PRRX1: variants seen among roughly 807,000 people sequenced by gnomAD.
The protein encoded by PRRX1 is paired mesoderm homeobox protein 1.
In PRRX1, 8 loss-of-function variants were observed where a neutral mutation model predicts 24.0. That is an observed-to-expected ratio of 0.33 (90% CI 0.20 to 0.60). The LOEUF (loss-of-function observed/expected upper bound fraction) is 0.60, where lower values mean the gene tolerates loss of function less well. Ranked by LOEUF, PRRX1 falls within the 20% of genes least tolerant of loss-of-function variation. The pLI is 0.82. For missense variants in PRRX1, 281 were observed against 322.4 expected (o/e 0.87, Z 0.98); for synonymous variants, 160 against 131.7 (o/e 1.22, Z -1.47).
In PRRX1 at chr1:170,669,384, A is replaced by G. The variant is rs78894138; in HGVS notation, c.241+4925A>G. 6.2e-3 allele frequency: 872 copies of G among 140,712 alleles called. 12 individuals carry two copies. The highest frequency in any genetic ancestry group is 0.022 in the African/African-American group (822 of 37,006). The allele number at this position is 140,712 out of a possible 1,614,324, so 8.7% of individuals were successfully genotyped here. A position where few individuals can be genotyped will look rare whatever the true frequency, so the allele number is the denominator to read the frequency against. ...ATTTTACAACACGAGCGAATAAATC[A>G]TCTCCAAACCAACAAGATGTCACCT... On this transcript the variant is annotated intron_variant, in intron 1 of 3. Transcript: ENST00000239461.
intron 1 of PRRX1, among the ~76,000 whole-genome samples, chr1:170,711,525 A>C (rs1654752229): frequency 6.6e-6 from 1 of 152,194 alleles, no homozygotes; most frequent in African/African-American, 2.4e-5. Flanking sequence ...GTCTGCTTCC[A>C]GTCTTGGTTT....
chr1:170,702,906 G>A (rs1477432229), intron 1 of PRRX1, among the ~76,000 whole-genome samples: 1 of 152,148 alleles, frequency 6.6e-6, no homozygotes, highest in Non-Finnish European at 1.5e-5. Context: ...CATTGGCTTC[G>A]TGCATAATTA....
chr1:170,731,369 G>A (rs1655431996), intron 3 of PRRX1, among the ~76,000 whole-genome samples: 1 of 152,148 alleles, frequency 6.6e-6, no homozygotes, highest in Non-Finnish European at 1.5e-5. Context: ...AGACTTCTCG[G>A]CTGACAGATT....
At chr1:170,733,551 G>A (rs952979328) in intron 3 of PRRX1, among the ~76,000 whole-genome samples, 4 of 152,066 alleles carry the variant, frequency 2.6e-5, no homozygotes, top group African/African-American at 9.7e-5. Context: ...GTTTTCAGAA[G>A]CCATTCAAAT....
intron 1 of PRRX1, among the ~76,000 whole-genome samples, chr1:170,674,451 C>G (rs1464990529): frequency 1.3e-5 from 2 of 152,200 alleles, no homozygotes; most frequent in African/African-American, 4.8e-5. Flanking sequence ...CCCATCACAC[C>G]TCCTTGCGAA....
intron 1 of PRRX1, among the ~76,000 whole-genome samples, chr1:170,675,727 G>T (rs1653300773): frequency 6.6e-6 from 1 of 152,096 alleles, no homozygotes. Flanking sequence ...TGAAGTCTAT[G>T]TAAAAATTTT....
At chr1:170,689,839 C>CCTCTCTCT (rs71559512) in intron 1 of PRRX1, among the ~76,000 whole-genome samples, 1,330 of 91,586 alleles carry the variant, frequency 0.015, 14 homozygotes, top group Non-Finnish European at 0.023. Context: ...TCTCTCTCTC[C>CCTCTCTCT]CTCTCTCTCT....
In PRRX1 at chr1:170,719,071, T is replaced by C. The variant is rs1159151640; in HGVS notation, c.242-655T>C. Among the ~76,000 whole-genome samples the C allele has an allele frequency of 2.0e-5, 3 of 152,166 alleles. No individual in the cohort carries two copies. The East Asian group carries it at 5.8e-4, about 29-fold the overall frequency. On this transcript the variant is annotated intron_variant, in intron 1 of 3. Transcript: ENST00000239461. ...TCAGGGAGTGAGCCCCAGGCTAATG[T>C]TAGCTTGGGTTGATGGCATTGTAGC...
At chr1:170,695,789 C>T (rs529690082) in intron 1 of PRRX1, among the ~76,000 whole-genome samples, 8 of 152,096 alleles carry the variant, frequency 5.3e-5, no homozygotes, top group African/African-American at 1.2e-4. Context: ...CTTCAAATAT[C>T]GTGATCCCCA....
At chr1:170,672,402 G>C (rs1446171035) in intron 1 of PRRX1, among the ~76,000 whole-genome samples, 1 of 152,182 alleles carries the variant, frequency 6.6e-6, no homozygotes, top group Non-Finnish European at 1.5e-5. Flanking sequence ...ACTAGAAACA[G>C]GAGCACAAGG....
chr1:170,691,436 CTTCCA>C (rs1445064333), intron 1 of PRRX1, among the ~76,000 whole-genome samples: 1 of 144,888 alleles, frequency 6.9e-6, no homozygotes, highest in African/African-American at 2.6e-5. Context: ...CTTCCCTTTC[CTTCCA>C]TTTCCTTTCC....
chr1:170,664,805 GA>G (rs775980706), intron 1 of PRRX1, among the ~76,000 whole-genome samples: 5 of 152,224 alleles, frequency 3.3e-5, no homozygotes, highest in Non-Finnish European at 7.3e-5. Flanking sequence ...GCTGGGCTGG[GA>G]AAAGGTCTTA....
Position 170,736,837 on chromosome 1 carries a change from G to T in PRRX1, c.*651G>T. On this transcript the variant is annotated 3_prime_UTR_variant, in exon 4 of 4. Transcript: ENST00000239461. ...TGTCTGATCCAATGTAATTGGCTGCGTCTGGCTAATTCTAAGCACTAAAGT... is the reference window on the plus strand; with the variant it reads ...TGTCTGATCCAATGTAATTGGCTGCTTCTGGCTAATTCTAAGCACTAAAGT... 1 of 193,828 alleles carries T rather than the reference G, an allele frequency of 5.2e-6. No homozygotes were observed. Among genetic ancestry groups the T allele is most frequent in the Non-Finnish European group, 1.1e-5 (1 of 92,822 alleles). 12.0% of individuals were successfully genotyped at this position (193,828 alleles called of 1,614,324 possible).
intron 1 of PRRX1, among the ~76,000 whole-genome samples, chr1:170,671,387 T>C (rs975637959): frequency 1.3e-5 from 2 of 152,248 alleles, no homozygotes; most frequent in Non-Finnish European, 2.9e-5. Flanking sequence ...GTGTGGTCTC[T>C]GCCTCGGCAA....
At chr1:170,712,539 C>T (rs1017560978) in intron 1 of PRRX1, among the ~76,000 whole-genome samples, 1 of 152,170 alleles carries the variant, frequency 6.6e-6, no homozygotes, top group African/African-American at 2.4e-5. Context: ...AGTAAAGGTA[C>T]AGCAGCAATG....
intron 1 of PRRX1, among the ~76,000 whole-genome samples, chr1:170,702,657 T>A (rs183982269): frequency 1.6e-4 from 24 of 152,334 alleles, no homozygotes; most frequent in African/African-American, 5.8e-4. Context: ...TCACATGTTT[T>A]CCATTCTTCT....
intron 1 of PRRX1, among the ~76,000 whole-genome samples, chr1:170,665,324 G>A (rs371362608): frequency 1.3e-5 from 2 of 152,090 alleles, no homozygotes; most frequent in African/African-American, 4.8e-5. Context: ...GACCAACCTC[G>A]CGACCCATGA....
intron 1 of PRRX1, among the ~76,000 whole-genome samples, chr1:170,684,175 G>T (rs753396321): frequency 6.6e-6 from 1 of 152,074 alleles, no homozygotes; most frequent in Non-Finnish European, 1.5e-5. Flanking sequence ...ATCACTCAAT[G>T]GTCCCTCGTG....
At chr1:170,730,196 C>A in intron 3 of PRRX1, 1 of 1,175,160 alleles carries the variant, frequency 8.5e-7, no homozygotes, top group Non-Finnish European at 1.3e-6. Context: ...CTCCTCCCCT[C>A]ATTTGATCGT....
Sources: gnomAD v4.1 joint callset for allele counts (sites outside exome capture counted in the v4.1 genomes callset) on GRCh38, gnomAD v4.1.1 for gene constraint, MANE v1.5 for transcripts, NCBI Gene and HGNC (gene_info 2026-07-23, HGNC 2026-07-21) for gene names.